Variants in LTBP2 observed in about 807,000 individuals in gnomAD.
LTBP2 encodes the protein latent-transforming growth factor beta-binding protein 2.
A neutral mutation model predicts 210.6 loss-of-function variants in LTBP2; 103 were observed. The observed-to-expected ratio is 0.49, with a 90% confidence interval of 0.42 to 0.58. The LOEUF (loss-of-function observed/expected upper bound fraction) is 0.58, where lower values mean the gene tolerates loss of function less well. Ranked by LOEUF, LTBP2 falls within the 20% of genes least tolerant of loss-of-function variation. The probability of loss-of-function intolerance (pLI) is 0.00; values close to 1 mark genes in which losing one functional copy is unlikely to be tolerated. For synonymous variants in LTBP2, 1,007 were observed against 1,015.0 expected (o/e 0.99, Z 0.15); for missense variants, 2,313 against 2,494.5 (o/e 0.93, Z 1.55).
At chr14:74,534,144 T>C (rs2087388554) in intron 9 of LTBP2, among the ~76,000 whole-genome samples, 1 of 152,148 alleles carries the variant, frequency 6.6e-6, no homozygotes. Flanking sequence ...CAGTGATCCA[T>C]ATGCATCCAG....
chr14:74,599,079 C>T (rs148918376), intron 2 of LTBP2, among the ~76,000 whole-genome samples: 6 of 152,314 alleles, frequency 3.9e-5, no homozygotes, highest in Admixed American at 1.3e-4. Context: ...AGAGCTATCG[C>T]GTTCATATCA....
At chr14:74,552,001 G>C (rs1049450943) in intron 6 of LTBP2, among the ~76,000 whole-genome samples, 186 bp downstream of exon 6, 1 of 152,124 alleles carries the variant, frequency 6.6e-6, no homozygotes, top group African/African-American at 2.4e-5. Flanking sequence ...GATAAATTCC[G>C]ATGGGAGGGG....
At chr14:74,519,572 T>C (rs1288152158) in intron 17 of LTBP2, among the ~76,000 whole-genome samples, 1 of 151,918 alleles carries the variant, frequency 6.6e-6, no homozygotes, top group East Asian at 1.9e-4. Flanking sequence ...ATCAAATCAT[T>C]GAGGTAATGA....
At chr14:74,610,353 G>C (rs1278577877) in intron 1 of LTBP2, among the ~76,000 whole-genome samples, 1 of 152,218 alleles carries the variant, frequency 6.6e-6, no homozygotes, top group African/African-American at 2.4e-5. Flanking sequence ...AATATGAGAA[G>C]AGCGCTCCAG....
At chr14:74,572,264 T>C (rs1399950075) in intron 3 of LTBP2, among the ~76,000 whole-genome samples, 1 of 151,970 alleles carries the variant, frequency 6.6e-6, no homozygotes, top group Non-Finnish European at 1.5e-5. Flanking sequence ...TCTTCCCCTT[T>C]AGCCCTTCTG....
chr14:74,573,057 T>A (rs918334975), intron 3 of LTBP2, among the ~76,000 whole-genome samples: 1 of 152,200 alleles, frequency 6.6e-6, no homozygotes, highest in Non-Finnish European at 1.5e-5. Context: ...CGAATGCTGC[T>A]CCAGGCTCTC....
At chr14:74,599,218 G>T (rs2088411591) in intron 2 of LTBP2, among the ~76,000 whole-genome samples, 1 of 152,224 alleles carries the variant, frequency 6.6e-6, no homozygotes, top group African/African-American at 2.4e-5. Context: ...CCAGGGATCT[G>T]GTGCCAGAAT....
intron 3 of LTBP2, among the ~76,000 whole-genome samples, chr14:74,565,413 C>T (rs1430017984): frequency 6.6e-6 from 1 of 152,140 alleles, no homozygotes; most frequent in Non-Finnish European, 1.5e-5. Context: ...GAGCTGGAGG[C>T]CAGCTGGAAG....
At chr14:74,563,571 G>T (rs752227265) in intron 3 of LTBP2, among the ~76,000 whole-genome samples, 2 of 152,124 alleles carry the variant, frequency 1.3e-5, no homozygotes, top group Non-Finnish European at 2.9e-5. Context: ...ACCACTGACT[G>T]TTTTTGTACA....
intron 1 of LTBP2, among the ~76,000 whole-genome samples, chr14:74,608,658 C>T (rs572477661): frequency 1.5e-4 from 22 of 142,100 alleles, no homozygotes; most frequent in Admixed American, 8.9e-4. Context: ...TGTAGTGAAC[C>T]GAAATAATGT....
intron 17 of LTBP2, 66 bp from the exon 18 acceptor site, chr14:74,517,007 C>A: frequency 6.5e-7 from 1 of 1,537,054 alleles, no homozygotes; most frequent in Non-Finnish European, 8.8e-7. Context: ...GGGCGGGGTC[C>A]TGGAGCATTC....
chr14:74,594,006 C>G (rs1037079497), intron 2 of LTBP2, among the ~76,000 whole-genome samples: 22 of 152,156 alleles, frequency 1.4e-4, no homozygotes, highest in Admixed American at 1.2e-3. Flanking sequence ...TCCCCAAAAC[C>G]AACTCTATAT....
At position 74,564,596 on chromosome 14, in the gene LTBP2, G is replaced by C. The variant is rs867756578; in HGVS notation, c.831-8903C>G. ...GTTTTTGTTTCACCATATTGGCCAG[G>C]CTGGTCTTGAACTCTTGACCTGGTG... On this transcript the variant is annotated intron_variant, in intron 3 of 35. Coordinates refer to ENST00000261978, the MANE Select transcript of LTBP2 (RefSeq NM_000428.3). Among the ~76,000 whole-genome samples, 81 of 150,552 alleles carry C rather than the reference G, an allele frequency of 5.4e-4. 1 individual carries two copies. The highest frequency in any genetic ancestry group is 2.0e-3 in the African/African-American group (80 of 40,858).
At chr14:74,506,952 G>T in intron 26 of LTBP2, 129 bp from the exon 27 acceptor site, 1 of 1,548,076 alleles carries the variant, frequency 6.5e-7, no homozygotes, top group Non-Finnish European at 8.7e-7. Flanking sequence ...TACTTATTTG[G>T]CTTATTAGCA....
intron 10 of LTBP2, among the ~76,000 whole-genome samples, chr14:74,530,623 C>T (rs1259320815): frequency 2.6e-5 from 4 of 152,222 alleles, no homozygotes; most frequent in African/African-American, 4.8e-5. Context: ...TCAAGCCATC[C>T]TTCCACTTCA....
chr14:74,537,216 T>C (rs559725405), intron 8 of LTBP2, among the ~76,000 whole-genome samples: 1 of 150,256 alleles, frequency 6.7e-6, no homozygotes, highest in Non-Finnish European at 1.5e-5. Flanking sequence ...AAAATCTCCA[T>C]TACTTTGGAG....
intron 27 of LTBP2, 21 bp downstream of exon 27, chr14:74,506,677 G>A: frequency 6.2e-7 from 1 of 1,612,188 alleles, no homozygotes; most frequent in Non-Finnish European, 8.5e-7. Flanking sequence ...CCAGACCTTG[G>A]GTAGCCCACA....
At chr14:74,526,872 C>T (rs1456031145) in intron 13 of LTBP2, among the ~76,000 whole-genome samples, 3 of 152,284 alleles carry the variant, frequency 2.0e-5, no homozygotes, top group East Asian at 3.9e-4. Context: ...GAGTTGGATG[C>T]ACCTTTCTCC....
chr14:74,540,848 T>TATA (rs1555350201), intron 8 of LTBP2, among the ~76,000 whole-genome samples: 1 of 68,870 alleles, frequency 1.5e-5, no homozygotes, highest in South Asian at 3.7e-4. Flanking sequence ...TTTATATATA[T>TATA]TATATATATT....
Sources: gnomAD v4.1 joint callset for allele counts (sites outside exome capture counted in the v4.1 genomes callset) on GRCh38, gnomAD v4.1.1 for gene constraint, MANE v1.5 for transcripts, NCBI Gene and HGNC (gene_info 2026-07-23, HGNC 2026-07-21) for gene names.